ASAH1: variants seen among roughly 807,000 people sequenced by gnomAD.
The protein encoded by ASAH1 is acid ceramidase.
A neutral mutation model predicts 59.5 loss-of-function variants in ASAH1; 70 were observed. That is an observed-to-expected ratio of 1.18 (90% CI 0.97 to 1.43). ASAH1 has a LOEUF of 1.43. Among genes scored for constraint, ASAH1 ranks in the 40% most tolerant of loss-of-function variants. The pLI is 0.00. For synonymous variants in ASAH1, 213 were observed against 166.5 expected, an observed-to-expected ratio of 1.28 and a Z score of -2.15; for missense variants, 660 against 482.5, an observed-to-expected ratio of 1.37 and a Z score of -3.45.
chr8:18,057,654 C>T (rs765866138), intron 13 of ASAH1, 31 bp from the exon 14 acceptor site: 6 of 1,498,496 alleles, frequency 4.0e-6, no homozygotes, highest in Admixed American at 1.8e-5. Context: ...ACTTTAAGGA[C>T]GTTTTCAATT....
chr8:18,075,272 C>G (rs559333661), intron 2 of ASAH1, among the ~76,000 whole-genome samples: 1 of 152,130 alleles, frequency 6.6e-6, no homozygotes, highest in Admixed American at 6.5e-5. Flanking sequence ...GGATTACAGG[C>G]GTGAGCCACC....
At chr8:18,064,126 A>G in intron 6 of ASAH1, 1 of 491,510 alleles carries the variant, frequency 2.0e-6, no homozygotes, top group South Asian at 3.2e-5. Context: ...GACATACACG[A>G]AGATAAGGAA....
chr8:18,063,027 G>C, intron 7 of ASAH1, 158 bp downstream of exon 7: 1 of 669,092 alleles, frequency 1.5e-6, no homozygotes, highest in Non-Finnish European at 2.6e-6. Context: ...CCACCACCAT[G>C]CCTGGCTAAT....
intron 1 of ASAH1, among the ~76,000 whole-genome samples, chr8:18,079,106 C>T (rs972320497): frequency 8.8e-5 from 13 of 147,882 alleles, no homozygotes; most frequent in Admixed American, 2.0e-4. Context: ...GCGAAATCCC[C>T]GTTACTACTA....
At position 18,067,260 on chromosome 8, in the gene ASAH1, C is replaced by G. The variant is rs1265325793; in HGVS notation, c.342G>C (p.Glu114Asp). 4.4e-6 allele frequency: 7 copies of G among 1,601,276 alleles called. No individual in the cohort carries two copies. The highest frequency in any genetic ancestry group is 6.0e-6 in the Non-Finnish European group (7 of 1,173,018). The change falls in exon 5 of 14, where the codon GAG (glutamate) becomes GAC (aspartate). Residue 114 changes from glutamate (E) to aspartate (D), a missense_variant. Transcript: ENST00000637790. Reference protein sequence around the residue: ...LLGNFPGPFEEEMKGIAAVTD... With the variant: ...LLGNFPGPFEDEMKGIAAVTD... ...TAACAGCGGCAATACCCTTCATTTCCTCTTCAAAAGGGCCAGGAAAGTTGC... is the reference window on the plus strand; with the variant it reads ...TAACAGCGGCAATACCCTTCATTTCGTCTTCAAAAGGGCCAGGAAAGTTGC...
In ASAH1 at chr8:18,084,009, C is replaced by G. The variant is rs368509218; in HGVS notation, c.50G>C (p.Ser17Thr). ...CGGCGCGTGCTGCGCGACGGCACAG[C>G]TGACGGCGGCAGCCAGGAGGACTAA... ...VALVLLAAAV[S>T]CAVAQHAPPW... The change falls in exon 1 of 14, where the codon AGC (serine) becomes ACC (threonine). Residue 17 changes from serine to threonine, a missense_variant. Ser to Thr is a moderately conservative substitution (Grantham distance 58). Transcript: ENST00000637790. 14 of 1,598,178 alleles carry G rather than the reference C, an allele frequency of 8.8e-6. No individual in the cohort carries two copies. Among genetic ancestry groups the G allele is most frequent in the Non-Finnish European group, 1.1e-5 (13 of 1,179,572 alleles).
At chr8:18,079,824 T>A (rs956113759) in intron 1 of ASAH1, among the ~76,000 whole-genome samples, 2 of 152,206 alleles carry the variant, frequency 1.3e-5, no homozygotes, top group Non-Finnish European at 2.9e-5. Flanking sequence ...GCAGAAACAC[T>A]GAATACAAAG....
chr8:18,071,247 A>G (rs547172609), intron 3 of ASAH1, 53 bp downstream of exon 3: 6 of 975,708 alleles, frequency 6.1e-6, no homozygotes, highest in Admixed American at 8.3e-5. Flanking sequence ...AAATAAAGAA[A>G]TAAAATAAAA....
chr8:18,071,134 G>C (rs553646484), intron 3 of ASAH1, among the ~76,000 whole-genome samples, 166 bp downstream of exon 3: 2 of 152,068 alleles, frequency 1.3e-5, no homozygotes, highest in Admixed American at 1.3e-4. Flanking sequence ...TAGAACCCAG[G>C]AGGCGGAGGT....
chr8:18,078,928 C>T (rs531585224), intron 1 of ASAH1, among the ~76,000 whole-genome samples: 1 of 152,134 alleles, frequency 6.6e-6, no homozygotes, highest in Admixed American at 6.5e-5. Flanking sequence ...CCCTGCCCCT[C>T]AGTGGTCTCC....
chr8:18,084,526 C>A, upstream of ASAH1: 1 of 1,412,662 alleles, frequency 7.1e-7, no homozygotes, highest in Non-Finnish European at 9.6e-7. Flanking sequence ...ACATCCCACC[C>A]TGACCCATCT....
chr8:18,063,431 G>A lies in ASAH1; in HGVS notation c.458-201C>T, dbSNP rs77933176. 29,606 of 567,010 alleles carry A rather than the reference G, an allele frequency of 0.052. 2,523 individuals carry two copies. Among genetic ancestry groups the A allele is most frequent in the East Asian group, 0.27 (8,291 of 30,492 alleles). The allele number at this position is 567,010 out of a possible 1,614,324, so 35.1% of individuals were successfully genotyped here. The stretch of plus-strand genomic sequence containing the variant: ...CAATTCTTGTGCCTCAGCCTTCCAC[G>A]TAGTTGGGATTACAGACATGTGCGA... On this transcript the variant is annotated intron_variant, in intron 6 of 13. Transcript: ENST00000637790.
chr8:18,074,468 C>A lies in ASAH1; in HGVS notation c.125+1073G>T, dbSNP rs368154123. 4.5e-3 allele frequency among the ~76,000 whole-genome samples: 685 copies of A among 152,248 alleles called. 2 individuals carry two copies. Among genetic ancestry groups the A allele is most frequent in the African/African-American group, 0.016 (667 of 41,534 alleles). ...CATCGTTTAGACAACAACAGTACAA[C>A]GTAAGTAATTTGGAATGTTGCACGA... On this transcript the variant is annotated intron_variant, in intron 2 of 13. Transcript: ENST00000637790.
chr8:18,084,239 G>C, upstream of ASAH1: 4 of 1,469,110 alleles, frequency 2.7e-6, no homozygotes, highest in Non-Finnish European at 3.6e-6. Context: ...GCTTTTCAGT[G>C]CCACGAAAAG....
intron 5 of ASAH1, chr8:18,066,421 C>CAAAAAAAAAAAAAAAAA (rs1564542157): frequency 1.7e-5 from 1 of 57,964 alleles, no homozygotes; most frequent in African/African-American, 9.3e-5. Context: ...ACAAAGAAAA[C>CAAAAAAAAAAAAAAAAA]CAAAAAAAAA....
intron 1 of ASAH1, among the ~76,000 whole-genome samples, chr8:18,080,025 G>A (rs1800586456): frequency 6.6e-6 from 1 of 152,220 alleles, no homozygotes; most frequent in Non-Finnish European, 1.5e-5. Context: ...TTAGGAGTCT[G>A]GCACATAGTA....
intron 3 of ASAH1, among the ~76,000 whole-genome samples, chr8:18,070,961 A>C (rs943989898): frequency 2.6e-5 from 4 of 152,192 alleles, no homozygotes; most frequent in East Asian, 1.9e-4. Context: ...TAATCCCAGC[A>C]CTTTGGGAGG....
chr8:18,063,922 T>C (rs1261093335), intron 6 of ASAH1: 1 of 165,788 alleles, frequency 6.0e-6, no homozygotes, highest in Non-Finnish European at 1.3e-5. Context: ...ATCTCAAGGG[T>C]AAGGTACAGG....
Position 18,059,568 on chromosome 8 carries a change from T to G in ASAH1, c.917+4A>C. 6.2e-7 allele frequency: 1 copy of G among 1,614,218 alleles called. No individual in the cohort carries two copies. The highest frequency in any genetic ancestry group is 8.5e-7 in the Non-Finnish European group (1 of 1,180,034). On this transcript the variant is annotated splice_donor_region_variant and intron_variant, in intron 11 of 13. Coordinates refer to ENST00000637790, the MANE Select transcript of ASAH1 (RefSeq NM_177924.5). ...ACTTCTTTTGCTTTAACAAACCTAC[T>G]TACTCATATACATCCAATGATTCCT...
Sources: gnomAD v4.1 joint callset for allele counts (sites outside exome capture counted in the v4.1 genomes callset) on GRCh38, gnomAD v4.1.1 for gene constraint, MANE v1.5 for transcripts, NCBI Gene and HGNC (gene_info 2026-07-23, HGNC 2026-07-21) for gene names.